Variants in C16orf89 observed in about 807,000 individuals in gnomAD.
C16orf89 encodes the protein chromosome 16 open reading frame 89.
Under a neutral mutation model 41.5 loss-of-function variants are expected in C16orf89, and 57 were observed. The observed-to-expected ratio is 1.38, with a 90% CI of 1.11 to 1.71. The LOEUF (loss-of-function observed/expected upper bound fraction) is 1.71, where lower values mean the gene tolerates loss of function less well. Among genes scored for constraint, C16orf89 ranks in the 40% most tolerant of loss-of-function variants. The pLI, the probability that C16orf89 is intolerant of heterozygous loss-of-function variation, is 0.00. For missense variants in C16orf89, 575 were observed against 445.9 expected (o/e 1.29, Z -2.61); for synonymous variants, 223 against 190.6 (o/e 1.17, Z -1.40).
At chr16:5,046,459 C>G (rs1956299644) in intron 7 of C16orf89, among the ~76,000 whole-genome samples, 1 of 151,840 alleles carries the variant, frequency 6.6e-6, no homozygotes, top group Admixed American at 6.6e-5. Context: ...TCAAGCAGAT[C>G]TCCTGTCTCA....
intron 5 of C16orf89, 106 bp downstream of exon 5, chr16:5,055,947 G>A (rs1480580359): frequency 3.0e-5 from 4 of 134,496 alleles, no homozygotes; most frequent in African/African-American, 4.7e-4. Context: ...CCGTGTGTGT[G>A]TGTGTGTGTG....
rs577534040 is a variant in C16orf89, at chr16:5,046,081, A to G, written c.956-1603T>C. On this transcript the variant is annotated intron_variant, in intron 7 of 7. Transcript: ENST00000472572. Reference sequence around the variant, plus strand: ...TGTGTCATAAAGGCCTAGCTAGGGTAGGACCTCTGGAAGTCTCCTGGGAAC... The same window carrying G: ...TGTGTCATAAAGGCCTAGCTAGGGTGGGACCTCTGGAAGTCTCCTGGGAAC... Among the ~76,000 whole-genome samples, 9 of 152,270 alleles carry G rather than the reference A, an allele frequency of 5.9e-5. No homozygotes were observed. In the East Asian group the frequency reaches 1.7e-3, roughly 30 times the overall value.
chr16:5,058,932 C>T (rs945414290), intron 3 of C16orf89, among the ~76,000 whole-genome samples: 1 of 152,046 alleles, frequency 6.6e-6, no homozygotes, highest in Non-Finnish European at 1.5e-5. Context: ...GGAATCTGGG[C>T]CCAACATGCT....
intron 7 of C16orf89, 41 bp from the exon 8 acceptor site, chr16:5,044,519 C>G (rs563855081): frequency 6.2e-7 from 1 of 1,610,198 alleles, no homozygotes; most frequent in Admixed American, 1.7e-5. Context: ...TGGCAAGAAC[C>G]TTGGCCCTTT....
Position 5,058,413 on chromosome 16 carries a change from A to G in C16orf89, c.627+80T>C, listed in dbSNP as rs545383061. The G allele has an allele frequency of 4.6e-5, 60 of 1,291,548 alleles. No homozygotes were observed. In the South Asian group the frequency reaches 7.3e-4, roughly 16 times the overall value. The allele number at this position is 1,291,548 out of a possible 1,614,324, so 80.0% of individuals were successfully genotyped here. A position where few individuals can be genotyped will look rare whatever the true frequency, so the allele number is the denominator to read the frequency against. ...CTCCCAAAGTGCTTGGATTACAGGC[A>G]TGAGCCACCACGTCCGGCTGCCCCT... On this transcript the variant is annotated intron_variant, in intron 4 of 7. Coordinates refer to ENST00000472572, the MANE Select transcript of C16orf89 (RefSeq NM_001098514.3).
chr16:5,058,343 A>G (rs1315792376), intron 4 of C16orf89, 150 bp downstream of exon 4: 7 of 598,632 alleles, frequency 1.2e-5, no homozygotes, highest in Middle Eastern at 4.6e-4. Flanking sequence ...ATGTTGGCCC[A>G]GCTGGTTTTG....
chr16:5,056,770 G>A (rs141665908), intron 4 of C16orf89, among the ~76,000 whole-genome samples: 122 of 152,252 alleles, frequency 8.0e-4, no homozygotes, highest in Non-Finnish European at 1.2e-3. Context: ...TAATTCCCTT[G>A]TAATATGGTT....
At position 5,061,511 on chromosome 16, in the gene C16orf89, C is replaced by CA. The variant is rs71139679; in HGVS notation, c.358+913dup. Among the ~76,000 whole-genome samples, 58 of 71,166 alleles carry CA rather than the reference C, an allele frequency of 8.1e-4. 1 individual carries two copies. The highest frequency in any genetic ancestry group is 2.1e-3 in the African/African-American group (41 of 19,342). 46.7% of individuals were successfully genotyped at this position (71,166 alleles called of 152,430 possible). A position where few individuals can be genotyped will look rare whatever the true frequency, so the allele number is the denominator to read the frequency against. ...AAAAAAAAAAAAAAAAAAACCCCCC[C>CA]AAAAAAAAAAACAAGTGGGGAGGTG... is the stretch of plus-strand genomic sequence containing the variant. On this transcript the variant is annotated intron_variant, in intron 2 of 7. Coordinates refer to ENST00000472572, the MANE Select transcript of C16orf89 (RefSeq NM_001098514.3).
intron 4 of C16orf89, among the ~76,000 whole-genome samples, chr16:5,058,262 G>A (rs1412824448): frequency 6.6e-6 from 1 of 151,838 alleles, no homozygotes; most frequent in Non-Finnish European, 1.5e-5. Flanking sequence ...CTTGTAGCTG[G>A]GATTACAGGT....
At chr16:5,048,247 C>T (rs561460924) in intron 6 of C16orf89, among the ~76,000 whole-genome samples, 7 of 152,258 alleles carry the variant, frequency 4.6e-5, no homozygotes, top group African/African-American at 1.2e-4. Context: ...GTTGCCCAGG[C>T]TGGACTTGAA....
At chr16:5,061,066 G>C (rs933540495) in intron 2 of C16orf89, among the ~76,000 whole-genome samples, 1 of 149,516 alleles carries the variant, frequency 6.7e-6, no homozygotes, top group African/African-American at 2.5e-5. Context: ...TTCAAGACCA[G>C]TCTGGCTAAC....
At position 5,063,914 on chromosome 16, in the gene C16orf89, T is replaced by G. The variant is rs1003423750; in HGVS notation, c.209-1340A>C. Among the ~76,000 whole-genome samples the G allele has an allele frequency of 2.6e-4, 39 of 152,196 alleles. 1 individual carries two copies. The highest frequency in any genetic ancestry group is 9.2e-4 in the African/African-American group (38 of 41,528). On this transcript the variant is annotated intron_variant, in intron 1 of 7. Coordinates refer to ENST00000472572, the MANE Select transcript of C16orf89 (RefSeq NM_001098514.3). ...GGCCGAGGCAGGTGGATTACTTAAG[T>G]CCAGGAGTTCAAGACCAGCATGGCC... is the stretch of plus-strand genomic sequence containing the variant.
intron 4 of C16orf89, among the ~76,000 whole-genome samples, chr16:5,058,213 G>A (rs762386209): frequency 6.6e-6 from 1 of 151,736 alleles, no homozygotes; most frequent in Non-Finnish European, 1.5e-5. Context: ...TGCAACCTCC[G>A]CCTCCCGGGT....
At chr16:5,052,884 T>A (rs1209043599) in intron 6 of C16orf89, among the ~76,000 whole-genome samples, 2 of 152,188 alleles carry the variant, frequency 1.3e-5, no homozygotes, top group Non-Finnish European at 2.9e-5. Flanking sequence ...TGAGTTTCTA[T>A]CAGCAGATGA....
chr16:5,059,442 C>G (rs1373429386), intron 3 of C16orf89, among the ~76,000 whole-genome samples: 1 of 151,986 alleles, frequency 6.6e-6, no homozygotes, highest in Non-Finnish European at 1.5e-5. Context: ...TGCACTCCAG[C>G]CTGGGGGACA....
In C16orf89 at chr16:5,060,268, G is replaced by GGTAAGT; in HGVS notation, c.509+17_509+18insACTTAC. 2 of 1,590,282 alleles carry GGTAAGT rather than the reference G, an allele frequency of 1.3e-6. No individual in the cohort carries two copies. The highest frequency in any genetic ancestry group is 1.7e-6 in the Non-Finnish European group (2 of 1,166,226). The stretch of plus-strand genomic sequence containing the variant: ...GTGCGTTTGGGTTTCCAGCAAATAG[G>GGTAAGT]GCAAGTGCAGGGCCCACCCGGTTCC... On this transcript the variant is annotated intron_variant, in intron 3 of 7. Transcript: ENST00000472572.
Position 5,056,164 on chromosome 16 carries a change from G to T in C16orf89, c.652C>A (p.Gln218Lys). Residue 218 changes from glutamine to lysine, a missense_variant, in exon 5 of 8, where the codon CAA becomes AAA. Coordinates refer to ENST00000472572, the MANE Select transcript of C16orf89 (RefSeq NM_001098514.3). ...RMRGCTQGPL[Q>K]QSQDYINLFC... ...AGGTTGATATAGTCCTGGCTCTGTTGGAGTGGTCCCTGTGTGCACCCCCTC... is the reference window on the plus strand; with the variant it reads ...AGGTTGATATAGTCCTGGCTCTGTTTGAGTGGTCCCTGTGTGCACCCCCTC... 1 of 1,592,510 alleles carries T rather than the reference G, an allele frequency of 6.3e-7. No individual in the cohort carries two copies. Among genetic ancestry groups the T allele is most frequent in the Non-Finnish European group, 8.6e-7 (1 of 1,161,774 alleles).
chr16:5,062,427 C>T lies in C16orf89; in HGVS notation c.356G>A (p.Arg119Lys), dbSNP rs1282929188. 1.2e-6 allele frequency: 2 copies of T among 1,611,928 alleles called. No individual in the cohort carries two copies. The highest frequency in any genetic ancestry group is 1.7e-6 in the Non-Finnish European group (2 of 1,179,218). Residue 119 changes from arginine (R) to lysine (K), a missense_variant and splice_region_variant, in exon 2 of 8, where the codon AGA becomes AAA. Transcript: ENST00000472572. ...YLKLSDPKYLREFQLTLQPGF... is the reference protein window; with the variant it reads ...YLKLSDPKYLKEFQLTLQPGF... ...TGGGACACCCTGCGTGTGCTCACCT[C>T]TTAGGTACTTGGGATCACTCAGCTT... is the stretch of plus-strand genomic sequence containing the variant.
intron 6 of C16orf89, among the ~76,000 whole-genome samples, chr16:5,053,371 A>T (rs1333504791): frequency 1.3e-5 from 2 of 150,800 alleles, no homozygotes; most frequent in Admixed American, 1.3e-4. Context: ...CTCCATCTCT[A>T]AAAAAAAAGA....
Sources: gnomAD v4.1 joint callset for allele counts (sites outside exome capture counted in the v4.1 genomes callset) on GRCh38, gnomAD v4.1.1 for gene constraint, MANE v1.5 for transcripts, NCBI Gene and HGNC (gene_info 2026-07-23, HGNC 2026-07-21) for gene names.